DUSP22: variants seen among roughly 807,000 people sequenced by gnomAD.
The protein encoded by DUSP22 is dual specificity phosphatase 22.
A neutral mutation model predicts 24.5 loss-of-function variants in DUSP22; 24 were observed. The observed-to-expected ratio is 0.98, with a 90% CI of 0.71 to 1.38. The LOEUF is 1.38. Ranked by LOEUF, DUSP22 falls within the 40% of genes most tolerant of loss-of-function variation. DUSP22 has a pLI of 0.00. For synonymous variants in DUSP22, 160 were observed against 106.4 expected (o/e 1.50, Z -3.10); for missense variants, 330 against 269.2 (o/e 1.23, Z -1.58).
intron 3 of DUSP22, among the ~76,000 whole-genome samples, chr6:318,543 G>T (rs929055947): frequency 2.6e-5 from 4 of 151,640 alleles, no homozygotes; most frequent in Admixed American, 2.6e-4. Flanking sequence ...GACCCCAGGG[G>T]GTGACCACAG....
In DUSP22 at chr6:346,177, C is replaced by T. The variant is rs552207560; in HGVS notation, c.263+249C>T. On this transcript the variant is annotated intron_variant, in intron 5 of 6. Coordinates refer to ENST00000419235, the MANE Select transcript of DUSP22 (RefSeq NM_001286555.3). ...CCACTGCTAGGATTTCTGTAGGGAC[C>T]GTGAAGGTTACTGGACAACAGAAAC... is the stretch of plus-strand genomic sequence containing the variant. 3.7e-4 allele frequency among the ~76,000 whole-genome samples: 57 copies of T among 152,390 alleles called. No homozygotes were observed. The South Asian group carries it at 8.3e-3, about 22-fold the overall frequency.
intron 3 of DUSP22, among the ~76,000 whole-genome samples, chr6:331,552 G>A (rs1202118901): frequency 3.3e-5 from 5 of 152,294 alleles, no homozygotes; most frequent in Non-Finnish European, 4.4e-5. Context: ...GACCTATTTG[G>A]TGAAACCATC....
At position 343,009 on chromosome 6, in the gene DUSP22, T is replaced by C. The variant is rs539017699; in HGVS notation, c.189-2845T>C. ...AGCTCTTTGCTGGGGGCCAGGCTCC[T>C]GCCCAACAAGGCTCCCTTCGTGCCC... is the stretch of plus-strand genomic sequence containing the variant. On this transcript the variant is annotated intron_variant, in intron 4 of 6. Transcript: ENST00000419235. 9.0e-4 allele frequency among the ~76,000 whole-genome samples: 137 copies of C among 152,388 alleles called. No individual in the cohort carries two copies. The East Asian group carries it at 0.014, about 16-fold the overall frequency.
At chr6:315,885 G>C (rs575628488) in intron 3 of DUSP22, among the ~76,000 whole-genome samples, 2 of 152,304 alleles carry the variant, frequency 1.3e-5, no homozygotes, top group African/African-American at 4.8e-5. Flanking sequence ...CAAGATACGC[G>C]TTGTAGCTGC....
chr6:340,651 T>G (rs1470254420), intron 4 of DUSP22, among the ~76,000 whole-genome samples: 4 of 152,306 alleles, frequency 2.6e-5, no homozygotes, highest in African/African-American at 9.6e-5. Context: ...ACATACACTT[T>G]TGTATCATTT....
chr6:297,145 T>C (rs1169559254), intron 1 of DUSP22, among the ~76,000 whole-genome samples: 1 of 152,310 alleles, frequency 6.6e-6, no homozygotes, highest in South Asian at 2.1e-4. Context: ...GTCACTTAAA[T>C]GTTTCTAAGC....
At chr6:343,963 G>GAAAA (rs1159789248) in intron 4 of DUSP22, among the ~76,000 whole-genome samples, 31 of 152,406 alleles carry the variant, frequency 2.0e-4, no homozygotes, top group African/African-American at 7.2e-4. Flanking sequence ...AACTTTTGCT[G>GAAAA]TTTTATAAGC....
intron 4 of DUSP22, among the ~76,000 whole-genome samples, chr6:339,155 G>A (rs910067208): frequency 1.3e-5 from 2 of 152,312 alleles, no homozygotes; most frequent in Non-Finnish European, 2.9e-5. Flanking sequence ...GCGTCCTAGA[G>A]TTTGTATCAA....
chr6:320,964 A>G (rs1561662280), intron 3 of DUSP22, among the ~76,000 whole-genome samples: 2 of 152,304 alleles, frequency 1.3e-5, no homozygotes, highest in South Asian at 2.1e-4. Context: ...TCCCAACATT[A>G]AGGATTGACA....
chr6:301,747 G>C (rs550211195), intron 1 of DUSP22, among the ~76,000 whole-genome samples: 1 of 152,296 alleles, frequency 6.6e-6, no homozygotes, highest in Non-Finnish European at 1.5e-5. Flanking sequence ...ACTGGGAGAA[G>C]GTGGCACCAT....
chr6:335,329 G>A (rs1489846939), intron 4 of DUSP22, among the ~76,000 whole-genome samples, 166 bp downstream of exon 4: 2 of 152,310 alleles, frequency 1.3e-5, no homozygotes, highest in African/African-American at 4.8e-5. Context: ...TAGGCAGGCT[G>A]GGATGAGCTG....
intron 5 of DUSP22, among the ~76,000 whole-genome samples, chr6:346,932 A>G (rs945333004): frequency 2.0e-5 from 3 of 152,304 alleles, no homozygotes; most frequent in African/African-American, 7.2e-5. Context: ...GACAGGGAGG[A>G]CGCTAGATAG....
chr6:292,499 C>A lies in DUSP22; in HGVS notation c.-41C>A, dbSNP rs1757131078. On this transcript the variant is annotated 5_prime_UTR_variant, in exon 1 of 7. Transcript: ENST00000419235. ...CCTGTAACATGCCATAGTGCGCCTG[C>A]GACCACACGGCCGGGGCGCTAGCGT... 1 of 1,601,754 alleles carries A rather than the reference C, an allele frequency of 6.2e-7. No homozygotes were observed. Among genetic ancestry groups the A allele is most frequent in the Admixed American group, 1.7e-5 (1 of 58,010 alleles).
At chr6:317,344 G>A (rs553824537) in intron 3 of DUSP22, among the ~76,000 whole-genome samples, 546 of 152,202 alleles carry the variant, frequency 3.6e-3, no homozygotes, top group Non-Finnish European at 3.9e-3. Context: ...CATTTCTCTT[G>A]AACAAAAGTT....
At chr6:309,709 CA>C (rs1757982105) in intron 2 of DUSP22, among the ~76,000 whole-genome samples, 1 of 72,988 alleles carries the variant, frequency 1.4e-5, no homozygotes, top group African/African-American at 6.2e-5. Flanking sequence ...CACACACACA[CA>C]CACACACATA....
intron 3 of DUSP22, chr6:319,912 A>C (rs1369356524): frequency 6.6e-6 from 1 of 152,378 alleles, no homozygotes; most frequent in African/African-American, 2.4e-5. Flanking sequence ...GATATGACTC[A>C]AATAGAAATG....
intron 3 of DUSP22, among the ~76,000 whole-genome samples, chr6:317,282 C>T (rs1187940817): frequency 6.6e-6 from 1 of 152,308 alleles, no homozygotes; most frequent in East Asian, 1.9e-4. Context: ...AGGCCGAGGT[C>T]TCCTGGAGGG....
chr6:334,107 C>T (rs1474416301), intron 3 of DUSP22, among the ~76,000 whole-genome samples: 16 of 152,294 alleles, frequency 1.1e-4, no homozygotes, highest in African/African-American at 3.9e-4. Context: ...CGTTGTAACT[C>T]CATCTTCTGA....
chr6:328,816 A>G (rs964693609), intron 3 of DUSP22, among the ~76,000 whole-genome samples: 1 of 152,296 alleles, frequency 6.6e-6, no homozygotes, highest in Admixed American at 6.5e-5. Context: ...CTGTGATGCA[A>G]ACAAAAAAGA....
Sources: allele counts gnomAD v4.1 joint callset (sites outside exome capture counted in the v4.1 genomes callset), GRCh38; gene constraint gnomAD v4.1.1; transcripts MANE v1.5; gene names NCBI Gene and HGNC (gene_info 2026-07-23, HGNC 2026-07-21).